The following CHSY3 variants were observed in gnomAD, a reference collection of about 807,000 sequenced individuals.
The protein encoded by CHSY3 is N-acetylgalactosaminyl-proteoglycan 3-beta-glucuronosyltransferase 3.
CHSY3 carries 35 observed loss-of-function variants against 67.2 expected under a neutral mutation model. That is an observed-to-expected ratio of 0.52 (90% CI 0.40 to 0.69). The LOEUF (loss-of-function observed/expected upper bound fraction) is 0.69. CHSY3 is among the 30% of genes least tolerant of loss of function. The pLI is 0.00. For missense variants in CHSY3, 1,069 were observed against 1,138.5 expected (o/e 0.94, Z 0.88); for synonymous variants, 474 against 434.7 (o/e 1.09, Z -1.12).
At chr5:130,111,488 A>G (rs1741562348) in intron 2 of CHSY3, among the ~76,000 whole-genome samples, 1 of 152,126 alleles carries the variant, frequency 6.6e-6, no homozygotes, top group Admixed American at 6.6e-5. Context: ...TCTAGGCAAC[A>G]GAGCTTTGCA....
At chr5:130,176,938 T>C (rs1338306888) in intron 2 of CHSY3, among the ~76,000 whole-genome samples, 1 of 152,160 alleles carries the variant, frequency 6.6e-6, no homozygotes, top group East Asian at 1.9e-4. Context: ...CGTGTATACC[T>C]ATGTAACATG....
At chr5:130,161,622 A>C (rs1769546914) in intron 2 of CHSY3, among the ~76,000 whole-genome samples, 1 of 152,248 alleles carries the variant, frequency 6.6e-6, no homozygotes, top group African/African-American at 2.4e-5. Context: ...TTATGTTAGC[A>C]TAGCTATTTT....
chr5:129,942,416 A>G (rs1044905420), intron 2 of CHSY3, among the ~76,000 whole-genome samples: 2 of 152,332 alleles, frequency 1.3e-5, no homozygotes, highest in African/African-American at 4.8e-5. Flanking sequence ...TAGTCAACTT[A>G]CATAAAATTA....
chr5:129,925,767 C>T (rs1761083963), intron 2 of CHSY3, among the ~76,000 whole-genome samples: 1 of 152,026 alleles, frequency 6.6e-6, no homozygotes, highest in Non-Finnish European at 1.5e-5. Flanking sequence ...CTCTCTGCTT[C>T]TATGAGTTCA....
At chr5:130,136,023 G>C (rs1164878372) in intron 2 of CHSY3, among the ~76,000 whole-genome samples, 2 of 152,176 alleles carry the variant, frequency 1.3e-5, no homozygotes, top group East Asian at 3.8e-4. Flanking sequence ...CCAGACCCTT[G>C]TGTTCGTTAA....
intron 2 of CHSY3, among the ~76,000 whole-genome samples, chr5:130,068,487 A>C (rs561272601): frequency 6.6e-6 from 1 of 152,224 alleles, no homozygotes; most frequent in African/African-American, 2.4e-5. Flanking sequence ...ACAACAACAA[A>C]AACTATACAA....
At chr5:130,072,113 A>G (rs187613062) in intron 2 of CHSY3, among the ~76,000 whole-genome samples, 1 of 151,918 alleles carries the variant, frequency 6.6e-6, no homozygotes, top group African/African-American at 2.4e-5. Context: ...CTTATCAGAC[A>G]TATGGTTTGC....
At chr5:129,992,017 C>G (rs1763383303) in intron 2 of CHSY3, among the ~76,000 whole-genome samples, 1 of 152,120 alleles carries the variant, frequency 6.6e-6, no homozygotes, top group Non-Finnish European at 1.5e-5. Flanking sequence ...GTCCAAGAAG[C>G]ACTGGAGATA....
At chr5:130,035,237 T>A (rs1764831573) in intron 2 of CHSY3, among the ~76,000 whole-genome samples, 1 of 151,990 alleles carries the variant, frequency 6.6e-6, no homozygotes, top group Non-Finnish European at 1.5e-5. Flanking sequence ...CCAGGATAAT[T>A]ACAGGAGAGG....
intron 2 of CHSY3, among the ~76,000 whole-genome samples, chr5:129,959,606 GAGTTTATTGTTATTC>G (rs577344062): frequency 6.4e-4 from 98 of 152,182 alleles, no homozygotes; most frequent in Non-Finnish European, 1.2e-3. Flanking sequence ...TGGAATAGTT[GAGTTTATTGTTATTC>G]AGTTTGAATA....
intron 2 of CHSY3, among the ~76,000 whole-genome samples, chr5:130,126,725 C>A (rs1315437932): frequency 2.6e-5 from 4 of 152,134 alleles, no homozygotes; most frequent in Admixed American, 2.6e-4. Context: ...GCTTTTCTGT[C>A]ACATAATTTA....
In CHSY3 at chr5:129,979,199, C is replaced by CA. The variant is rs58584381; in HGVS notation, c.1086+70865dup. ...TGGGTGAGACAGCGAGACTCCGTCT[C>CA]AAAAAAAAAAAAAAAAAAAAAAAAA... On this transcript the variant is annotated intron_variant, in intron 2 of 2. Coordinates refer to ENST00000305031, the MANE Select transcript of CHSY3 (RefSeq NM_175856.5). Among the ~76,000 whole-genome samples, 461 of 62,484 alleles carry CA rather than the reference C, an allele frequency of 7.4e-3. 18 individuals carry two copies. Among genetic ancestry groups the CA allele is most frequent in the Middle Eastern group, 0.016 (1 of 62 alleles). 41.0% of individuals were successfully genotyped at this position (62,484 alleles called of 152,430 possible).
At chr5:130,024,082 A>G (rs1249629177) in intron 2 of CHSY3, among the ~76,000 whole-genome samples, 1 of 145,686 alleles carries the variant, frequency 6.9e-6, no homozygotes, top group East Asian at 2.0e-4. Context: ...GGTAGTACTT[A>G]TATCTCCTAT....
chr5:130,153,056 C>A (rs973229619), intron 2 of CHSY3, among the ~76,000 whole-genome samples: 3 of 152,032 alleles, frequency 2.0e-5, no homozygotes, highest in African/African-American at 4.8e-5. Flanking sequence ...AGTGGTGAAA[C>A]CCTGCCTCTA....
Position 129,993,913 on chromosome 5 carries a change from C to T in CHSY3, c.1086+85553C>T, listed in dbSNP as rs545899674. ...TCTTTTAGGGCAGGCCTGGTGGTGA[C>T]AAAAATCTCTCAGCATTTGCTTGTC... is the stretch of plus-strand genomic sequence containing the variant. On this transcript the variant is annotated intron_variant, in intron 2 of 2. Coordinates refer to ENST00000305031, the MANE Select transcript of CHSY3 (RefSeq NM_175856.5). 3.6e-4 allele frequency among the ~76,000 whole-genome samples: 54 copies of T among 151,894 alleles called. 1 individual carries two copies. In the South Asian group the frequency reaches 0.011, roughly 30 times the overall value.
At chr5:130,104,187 C>A (rs927233623) in intron 2 of CHSY3, among the ~76,000 whole-genome samples, 2 of 151,032 alleles carry the variant, frequency 1.3e-5, no homozygotes, top group South Asian at 2.1e-4. Flanking sequence ...AGAGTTATAA[C>A]AAAACAAAAA....
At chr5:129,967,782 C>T (rs555020470) in intron 2 of CHSY3, among the ~76,000 whole-genome samples, 1 of 151,914 alleles carries the variant, frequency 6.6e-6, no homozygotes, top group Non-Finnish European at 1.5e-5. Context: ...TATACTTCAT[C>T]TGGCAGTCAT....
chr5:130,125,469 A>G (rs561980794), intron 2 of CHSY3, among the ~76,000 whole-genome samples: 2 of 152,266 alleles, frequency 1.3e-5, no homozygotes, highest in Admixed American at 6.5e-5. Flanking sequence ...ACAGACAGAC[A>G]GATGGATTTA....
intron 2 of CHSY3, among the ~76,000 whole-genome samples, chr5:130,008,424 A>G (rs374857575): frequency 1.3e-5 from 2 of 152,218 alleles, no homozygotes; most frequent in African/African-American, 4.8e-5. Context: ...AACTTATACC[A>G]TAGTCAAAGG....
Sources: gnomAD v4.1 joint callset for allele counts (sites outside exome capture counted in the v4.1 genomes callset) on GRCh38, gnomAD v4.1.1 for gene constraint, MANE v1.5 for transcripts, NCBI Gene and HGNC (gene_info 2026-07-23, HGNC 2026-07-21) for gene names.